The following TTLL8 variants were observed in gnomAD, a reference collection of about 807,000 sequenced individuals.
The protein encoded by TTLL8 is tubulin tyrosine ligase like 8.
A neutral mutation model predicts 77.8 loss-of-function variants in TTLL8; 65 were observed. The observed-to-expected ratio is 0.84, with a 90% CI of 0.68 to 1.03. TTLL8 has a LOEUF of 1.03. Ranked by LOEUF, TTLL8 falls within the 50% of genes least tolerant of loss-of-function variation. The pLI is 0.00. For missense variants in TTLL8, 910 were observed against 1,004.5 expected, an observed-to-expected ratio of 0.91 and a Z score of 1.27; for synonymous variants, 402 against 422.8, an observed-to-expected ratio of 0.95 and a Z score of 0.60.
upstream of TTLL8, chr22:50,056,901 G>C: frequency 7.8e-7 from 1 of 1,289,726 alleles, no homozygotes; most frequent in Non-Finnish European, 1.0e-6. The surrounding 1 kb of genome is among the most constrained non-coding windows in gnomAD (Gnocchi z 4.1). Context: ...ATCTGAAGAA[G>C]AAGCCAACGA....
intron 12 of TTLL8, among the ~76,000 whole-genome samples, chr22:50,022,736 G>A (rs970609169): frequency 2.0e-5 from 3 of 152,266 alleles, no homozygotes; most frequent in African/African-American, 4.8e-5. Context: ...GTCCATGTAG[G>A]TGTGGAGCAG....
intron 1 of TTLL8, 119 bp from the exon 4 acceptor site, chr22:50,050,366 C>A: frequency 5.0e-6 from 3 of 602,080 alleles, no homozygotes; most frequent in Non-Finnish European, 7.4e-6. Context: ...ACCCATCACC[C>A]AATATGTCCT....
Position 50,027,141 on chromosome 22 carries a change from C to T in TTLL8, c.2203+3289G>A, listed in dbSNP as rs559602324. ...GTCCCAGCTACTCAGGGGGCTGAGG[C>T]AGGAGAATCGCTTGAACCCAGGAGG... On this transcript the variant is annotated intron_variant, in intron 12 of 13. Coordinates refer to ENST00000266182, the Ensembl canonical transcript of TTLL8. Among the ~76,000 whole-genome samples the T allele has an allele frequency of 2.0e-5, 3 of 151,378 alleles. No homozygotes were observed. In the East Asian group the frequency reaches 5.8e-4, roughly 29 times the overall value.
In TTLL8 at chr22:50,031,673, G is replaced by T; in HGVS notation, c.1707+13C>A. On this transcript the variant is annotated intron_variant, in intron 11 of 13. Transcript: ENST00000266182. ...GGCGGCCACCAAAGTCCCCAGGGGC[G>T]GGCGTGGCTCACCTGCCTCCACAGG... The T allele has an allele frequency of 7.9e-7, 1 of 1,266,712 alleles. No individual in the cohort carries two copies. Among genetic ancestry groups the T allele is most frequent in the East Asian group, 5.3e-5 (1 of 18,896 alleles). 78.5% of individuals were successfully genotyped at this position (1,266,712 alleles called of 1,614,324 possible).
intron 1 of TTLL8, among the ~76,000 whole-genome samples, chr22:50,050,755 A>G (rs2061439843): frequency 6.6e-6 from 1 of 152,224 alleles, no homozygotes. Context: ...ACTGCATGAA[A>G]AAAGCATTGT....
At chr22:50,056,795 T>C, upstream of TTLL8, 1 of 1,289,176 alleles carries the variant, frequency 7.8e-7, no homozygotes, top group South Asian at 1.2e-5. This position sits in a 1 kb window ranked among gnomAD's most constrained non-coding sequence, Gnocchi z 4.1. Flanking sequence ...GGCAGCAGGC[T>C]GCAGCCAGCA....
chr22:50,047,478 G>T (rs902009169), intron 3 of TTLL8, among the ~76,000 whole-genome samples, 182 bp from the exon 6 acceptor site: 1 of 152,200 alleles, frequency 6.6e-6, no homozygotes, highest in African/African-American at 2.4e-5. Flanking sequence ...GGCGCAACCA[G>T]GACCACATAC....
Position 50,041,892 on chromosome 22 carries a change from G to T in TTLL8, c.644-85C>A. The stretch of plus-strand genomic sequence containing the variant: ...CTCGAGGGGTGATGTCTAAAGTCAT[G>T]GACAAAGGCTGCTCCACTCCCTCTG... On this transcript the variant is annotated intron_variant, in intron 6 of 13. Transcript: ENST00000266182. The surrounding 1 kb of genome is among the most constrained non-coding windows in gnomAD (Gnocchi z 4.3). 1 of 1,182,478 alleles carries T rather than the reference G, an allele frequency of 8.5e-7. No homozygotes were observed. Among genetic ancestry groups the T allele is most frequent in the Non-Finnish European group, 1.1e-6 (1 of 909,408 alleles). The allele number at this position is 1,182,478 out of a possible 1,614,324, so 73.2% of individuals were successfully genotyped here. A position where few individuals can be genotyped will look rare whatever the true frequency, so the allele number is the denominator to read the frequency against.
chr22:50,036,794 C>T (rs1326507064), intron 8 of TTLL8, among the ~76,000 whole-genome samples: 5 of 152,064 alleles, frequency 3.3e-5, no homozygotes, highest in African/African-American at 1.2e-4. Context: ...AAACAGATTT[C>T]ACCATTTTTG....
intron 8 of TTLL8, among the ~76,000 whole-genome samples, chr22:50,037,470 G>C (rs1295007301): frequency 6.6e-6 from 1 of 152,250 alleles, no homozygotes; most frequent in Non-Finnish European, 1.5e-5. Flanking sequence ...CTAGTGCTGG[G>C]ATTACAGGCG....
intron 12 of TTLL8, among the ~76,000 whole-genome samples, chr22:50,026,737 C>T (rs1015033920): frequency 3.9e-5 from 6 of 152,322 alleles, no homozygotes; most frequent in Admixed American, 1.3e-4. Flanking sequence ...GGTCTGTCCT[C>T]ACTGTAGGTA....
At chr22:50,047,925 C>G (rs754105817) in intron 3 of TTLL8, among the ~76,000 whole-genome samples, 1 of 152,070 alleles carries the variant, frequency 6.6e-6, no homozygotes, top group Non-Finnish European at 1.5e-5. Flanking sequence ...TGGTGAAACT[C>G]GTCTCTACTA....
chr22:50,037,565 G>A (rs1414841151), intron 8 of TTLL8, among the ~76,000 whole-genome samples: 1 of 152,122 alleles, frequency 6.6e-6, no homozygotes, highest in Non-Finnish European at 1.5e-5. Flanking sequence ...TTGTGTATTT[G>A]TGAAGCAGAA....
intron 12 of TTLL8, chr22:50,030,142 G>A: frequency 1.0e-6 from 1 of 979,356 alleles, no homozygotes; most frequent in Non-Finnish European, 1.2e-6. Flanking sequence ...ACACCCCAGA[G>A]GTATGGGGAC....
intron 8 of TTLL8, among the ~76,000 whole-genome samples, chr22:50,035,880 C>T (rs2061332660): frequency 6.6e-6 from 1 of 152,236 alleles, no homozygotes; most frequent in Admixed American, 6.5e-5. Flanking sequence ...ACAGCCCTCA[C>T]ATTGGAAGGT....
At chr22:50,032,267 C>T (rs1044141299) in intron 10 of TTLL8, among the ~76,000 whole-genome samples, 158 bp from the exon 12 acceptor site, 1 of 152,162 alleles carries the variant, frequency 6.6e-6, no homozygotes, top group Non-Finnish European at 1.5e-5. Flanking sequence ...CTGGGATGAG[C>T]GTTACTGTCC....
intron 8 of TTLL8, among the ~76,000 whole-genome samples, chr22:50,036,011 C>T (rs1245373473): frequency 1.3e-5 from 2 of 152,218 alleles, no homozygotes; most frequent in Admixed American, 6.5e-5. Context: ...CGGAGCACCG[C>T]GCAGGAGCTG....
rs2061299467 is a variant in TTLL8 at position 50,032,044 on chromosome 22, AG to A, written c.1348del (p.Leu450CysfsTer34). On this transcript the variant is annotated frameshift_variant, in exon 11 of 14. Transcript: ENST00000266182. LOFTEE classifies it high-confidence loss of function. The stretch of plus-strand genomic sequence containing the variant: ...GGTCCACATGTTGTGTGCGGGCAGC[AG>A]GGGGCTGCGGCCCACATCATTCTTC... 2.2e-6 allele frequency: 3 copies of A among 1,366,234 alleles called. No homozygotes were observed. The highest frequency in any genetic ancestry group is 1.9e-5 in the Admixed American group (1 of 52,594). The allele number at this position is 1,366,234 out of a possible 1,614,324, so 84.6% of individuals were successfully genotyped here. A position where few individuals can be genotyped will look rare whatever the true frequency, so the allele number is the denominator to read the frequency against.
At position 50,031,635 on chromosome 22, in the gene TTLL8, C is replaced by A. The variant is rs936108243; in HGVS notation, c.1707+51G>T. ...CTCGCCCAGTGACCAGGTGGCAAAG[C>A]ATCCACATGGCGGGCGGCCACCAAA... is the stretch of plus-strand genomic sequence containing the variant. On this transcript the variant is annotated intron_variant, in intron 11 of 13. Transcript: ENST00000266182. The A allele has an allele frequency of 2.5e-6, 3 of 1,220,192 alleles. No individual in the cohort carries two copies. The African/African-American group carries it at 4.7e-5, about 19-fold the overall frequency. 75.6% of individuals were successfully genotyped at this position (1,220,192 alleles called of 1,614,324 possible). A position where few individuals can be genotyped will look rare whatever the true frequency, so the allele number is the denominator to read the frequency against.
Sources: allele counts gnomAD v4.1 joint callset (sites outside exome capture counted in the v4.1 genomes callset), GRCh38; gene constraint gnomAD v4.1.1; non-coding constraint Gnocchi (gnomAD v3.1); transcripts MANE v1.5; gene names NCBI Gene and HGNC (gene_info 2026-07-23, HGNC 2026-07-21).